Variants in LDLRAP1 observed in about 807,000 individuals in gnomAD.
LDLRAP1 encodes low density lipoprotein receptor adapter protein 1.
A neutral mutation model predicts 37.8 loss-of-function variants in LDLRAP1; 30 were observed. The ratio of observed to expected loss-of-function variants is 0.79; its 90% CI spans 0.59 to 1.08. The LOEUF is 1.08. LDLRAP1 is among the 50% of genes least tolerant of loss of function. LDLRAP1 has a pLI of 0.00. For missense variants in LDLRAP1, 375 were observed against 401.6 expected, an observed-to-expected ratio of 0.93 and a Z score of 0.57; for synonymous variants, 156 against 169.8, an observed-to-expected ratio of 0.92 and a Z score of 0.63.
intron 8 of LDLRAP1, 69 bp downstream of exon 8, chr1:25,565,276 T>C (rs975965250): frequency 1.3e-6 from 2 of 1,552,564 alleles, no homozygotes; most frequent in Non-Finnish European, 1.8e-6. Flanking sequence ...CCCTTTCTCC[T>C]GGGGACCTTT....
intron 8 of LDLRAP1, 68 bp downstream of exon 8, chr1:25,565,275 C>T (rs1572057116): frequency 6.4e-7 from 1 of 1,556,774 alleles, no homozygotes; most frequent in East Asian, 2.2e-5. Context: ...GCCCTTTCTC[C>T]TGGGGACCTT....
chr1:25,569,223 G>C (rs868015337), downstream of LDLRAP1, among the ~76,000 whole-genome samples: 1 of 152,342 alleles, frequency 6.6e-6, no homozygotes, highest in Non-Finnish European at 1.5e-5. Context: ...ACGTGTCCAC[G>C]TGGGCGTTTT....
At chr1:25,588,894 T>C in the LDLRAP1 span, among the ~76,000 whole-genome samples, 1 of 152,154 alleles carries the variant, frequency 6.6e-6, no homozygotes, top group Non-Finnish European at 1.5e-5. Context: ...ATGGAGCGCC[T>C]TGAGAGTGCC....
chr1:25,586,084 A>T, the LDLRAP1 span, among the ~76,000 whole-genome samples: 1 of 152,172 alleles, frequency 6.6e-6, no homozygotes, highest in Non-Finnish European at 1.5e-5. The surrounding 1 kb of genome is among the most constrained non-coding windows in gnomAD (Gnocchi z 4.3). Flanking sequence ...TGTTTCCCCT[A>T]CACCTGGCCA....
the LDLRAP1 span, among the ~76,000 whole-genome samples, chr1:25,589,134 T>C: frequency 6.6e-5 from 10 of 152,142 alleles, no homozygotes; most frequent in East Asian, 1.7e-3. Flanking sequence ...CAAAACCCCG[T>C]CTCTACTAAA....
At chr1:25,579,383 C>T in the LDLRAP1 span, among the ~76,000 whole-genome samples, 6 of 152,170 alleles carry the variant, frequency 3.9e-5, no homozygotes, top group Non-Finnish European at 8.8e-5. Flanking sequence ...AGAAGAAAAC[C>T]CAGGAGCAAC....
chr1:25,573,700 G>T (rs968986349), downstream of LDLRAP1, among the ~76,000 whole-genome samples: 1 of 152,184 alleles, frequency 6.6e-6, no homozygotes, highest in South Asian at 2.1e-4. Flanking sequence ...CTTTGCACAC[G>T]TTACGTAATC....
chr1:25,554,168 G>T lies in LDLRAP1; in HGVS notation c.231+104G>T. On this transcript the variant is annotated intron_variant, in intron 2 of 8. Coordinates refer to ENST00000374338, the MANE Select transcript of LDLRAP1 (RefSeq NM_015627.3). This position sits in a 1 kb window ranked among gnomAD's most constrained non-coding sequence, Gnocchi z 5.4. ...TGTTACTCCAGTTGGGTGTGTCTGA[G>T]CCTGGCCCTGCCCTTCATTCTCCTT... is the stretch of plus-strand genomic sequence containing the variant. 1 of 1,387,460 alleles carries T rather than the reference G, an allele frequency of 7.2e-7. No homozygotes were observed. Among genetic ancestry groups the T allele is most frequent in the East Asian group, 2.3e-5 (1 of 42,660 alleles). The allele number at this position is 1,387,460 out of a possible 1,614,324, so 85.9% of individuals were successfully genotyped here. A position where few individuals can be genotyped will look rare whatever the true frequency, so the allele number is the denominator to read the frequency against.
chr1:25,569,761 G>A (rs891002474), downstream of LDLRAP1, among the ~76,000 whole-genome samples: 1 of 152,240 alleles, frequency 6.6e-6, no homozygotes, highest in Non-Finnish European at 1.5e-5. Flanking sequence ...GTTGTGCTGA[G>A]CGCAGATGGC....
chr1:25,577,213 T>A, the LDLRAP1 span, among the ~76,000 whole-genome samples: 1 of 152,130 alleles, frequency 6.6e-6, no homozygotes, highest in Non-Finnish European at 1.5e-5. Flanking sequence ...ATTAGAATCT[T>A]AATAAAAGAG....
At chr1:25,570,555 G>A (rs376315662), downstream of LDLRAP1, among the ~76,000 whole-genome samples, 16 of 152,094 alleles carry the variant, frequency 1.1e-4, no homozygotes, top group East Asian at 3.9e-4. Context: ...GGAGGTGCCC[G>A]TTTGTATATT....
downstream of LDLRAP1, among the ~76,000 whole-genome samples, chr1:25,571,812 G>T (rs1053163990): frequency 1.3e-5 from 2 of 152,220 alleles, no homozygotes; most frequent in African/African-American, 4.8e-5. Flanking sequence ...TGGTGCGTTT[G>T]TGGCCAGGAC....
At chr1:25,562,134 TGGTCCCAACC>T (rs2044356854) in intron 4 of LDLRAP1, among the ~76,000 whole-genome samples, 2 of 152,240 alleles carry the variant, frequency 1.3e-5, no homozygotes, top group Non-Finnish European at 2.9e-5. Context: ...GATCCAGTTA[TGGTCCCAACC>T]GGAACCTAAC....
At chr1:25,577,282 C>G in the LDLRAP1 span, among the ~76,000 whole-genome samples, 1 of 152,274 alleles carries the variant, frequency 6.6e-6, no homozygotes, top group South Asian at 2.1e-4. Context: ...GTGTGAGGAG[C>G]AGACCCAGCT....
intron 7 of LDLRAP1, 46 bp downstream of exon 7, chr1:25,563,837 T>C (rs756925372): frequency 6.2e-7 from 1 of 1,611,540 alleles, no homozygotes; most frequent in South Asian, 1.1e-5. Context: ...CAGCCTGACC[T>C]CTGGGTGAGC....
At chr1:25,560,696 G>A (rs530849995) in intron 4 of LDLRAP1, among the ~76,000 whole-genome samples, 1 of 152,254 alleles carries the variant, frequency 6.6e-6, no homozygotes, top group African/African-American at 2.4e-5. Flanking sequence ...GTCTTGGTTT[G>A]AGTTTCTGGC....
intron 4 of LDLRAP1, among the ~76,000 whole-genome samples, chr1:25,558,130 T>C (rs2044255098): frequency 6.6e-6 from 1 of 152,142 alleles, no homozygotes; most frequent in Non-Finnish European, 1.5e-5. Flanking sequence ...TGGGTCAACC[T>C]TTGGCATTGC....
intron 1 of LDLRAP1, among the ~76,000 whole-genome samples, chr1:25,552,527 T>A (rs2044095159): frequency 3.3e-5 from 5 of 152,178 alleles, no homozygotes; most frequent in Non-Finnish European, 2.9e-5. Flanking sequence ...GTTTTCTTTC[T>A]CATCTGTAAA....
chr1:25,582,489 G>A, the LDLRAP1 span, among the ~76,000 whole-genome samples: 6 of 151,988 alleles, frequency 3.9e-5, no homozygotes, highest in South Asian at 1.0e-3. Context: ...GGAGGCTGAG[G>A]CAGGAGAATC....
Sources: allele counts gnomAD v4.1 joint callset (sites outside exome capture counted in the v4.1 genomes callset), GRCh38; gene constraint gnomAD v4.1.1; non-coding constraint Gnocchi (gnomAD v3.1); transcripts MANE v1.5; gene names NCBI Gene and HGNC (gene_info 2026-07-23, HGNC 2026-07-21).